NEDD4: variants seen among roughly 807,000 people sequenced by gnomAD.
NEDD4 encodes the protein E3 ubiquitin-protein ligase NEDD4.
NEDD4 carries 99 observed loss-of-function variants against 144.9 expected under a neutral mutation model. The ratio of observed to expected loss-of-function variants is 0.68; its 90% CI spans 0.58 to 0.81. NEDD4 has a LOEUF of 0.81. Ranked by LOEUF, NEDD4 falls within the 30% of genes least tolerant of loss-of-function variation. The pLI, the probability that NEDD4 is intolerant of heterozygous loss-of-function variation, is 0.00. For missense variants in NEDD4, 985 were observed against 1,065.9 expected (o/e 0.92, Z 1.06); for synonymous variants, 318 against 350.6 (o/e 0.91, Z 1.04).
rs564386261 is a variant in NEDD4 at position 55,877,389 on chromosome 15, G to A, written c.292-3381C>T. 2.0e-5 allele frequency among the ~76,000 whole-genome samples: 3 copies of A among 152,218 alleles called. No individual in the cohort carries two copies. In the South Asian group the frequency reaches 6.2e-4, roughly 32 times the overall value. ...AATTTAGATTATGCATTTTTTGCAA[G>A]AATACCATAAAGGTGATGCTTGTGC... On this transcript the variant is annotated intron_variant, in intron 5 of 28. Coordinates refer to ENST00000435532, the MANE Select transcript of NEDD4 (RefSeq NM_006154.4).
intron 8 of NEDD4, among the ~76,000 whole-genome samples, chr15:55,868,807 T>A (rs187796285): frequency 6.6e-6 from 1 of 152,232 alleles, no homozygotes; most frequent in African/African-American, 2.4e-5. Context: ...CGAGCAGGTG[T>A]TTTTTTGACC....
At chr15:55,906,124 A>G (rs1157633627) in intron 5 of NEDD4, among the ~76,000 whole-genome samples, 2 of 152,162 alleles carry the variant, frequency 1.3e-5, no homozygotes, top group Admixed American at 6.5e-5. Flanking sequence ...TTAAAAAGTC[A>G]GGAAACAACA....
intron 5 of NEDD4, among the ~76,000 whole-genome samples, chr15:55,875,658 A>T (rs1489879630): frequency 6.6e-6 from 1 of 152,134 alleles, no homozygotes; most frequent in East Asian, 1.9e-4. Context: ...TACATGAAAT[A>T]AAAAAATTCA....
At chr15:55,845,337 CTTAATAACCA>C (rs1407291133) in intron 18 of NEDD4, among the ~76,000 whole-genome samples, 1 of 152,134 alleles carries the variant, frequency 6.6e-6, no homozygotes, top group Non-Finnish European at 1.5e-5. Flanking sequence ...AGCTTTTCTA[CTTAATAACCA>C]TGGGACTTGA....
At position 55,959,435 on chromosome 15, in the gene NEDD4, T is replaced by G. The variant is rs62045213; in HGVS notation, c.119+7038A>C. On this transcript the variant is annotated intron_variant, in intron 2 of 28. Transcript: ENST00000435532. ...GGACCCACACATGGTCTATCTTGAT[T>G]AACGTACCATGTGCATTTCAAAAGA... Among the ~76,000 whole-genome samples the G allele has an allele frequency of 3.9e-5, 6 of 152,252 alleles. No homozygotes were observed. In the South Asian group the frequency reaches 1.2e-3, roughly 32 times the overall value.
chr15:55,947,832 C>A (rs2037151010), intron 4 of NEDD4, among the ~76,000 whole-genome samples: 1 of 152,142 alleles, frequency 6.6e-6, no homozygotes, highest in Admixed American at 6.5e-5. Flanking sequence ...ATGACAAACA[C>A]ATAGCCAATA....
At chr15:55,900,830 A>G (rs2035893238) in intron 5 of NEDD4, among the ~76,000 whole-genome samples, 1 of 152,192 alleles carries the variant, frequency 6.6e-6, no homozygotes, top group African/African-American at 2.4e-5. Context: ...GCACACTAGG[A>G]TATATTTCCC....
chr15:55,938,682 T>C (rs2036938328), intron 4 of NEDD4, among the ~76,000 whole-genome samples: 1 of 151,902 alleles, frequency 6.6e-6, no homozygotes, highest in Non-Finnish European at 1.5e-5. Flanking sequence ...CCGTACAAAA[T>C]GGGAAAAATA....
intron 5 of NEDD4, among the ~76,000 whole-genome samples, chr15:55,898,702 C>T (rs1452868559): frequency 3.5e-5 from 5 of 143,302 alleles, no homozygotes; most frequent in Admixed American, 2.2e-4. Flanking sequence ...GTGGCACAAT[C>T]GTAGCTCAAT....
chr15:55,970,577 G>C (rs1253666416), intron 1 of NEDD4, among the ~76,000 whole-genome samples: 4 of 152,210 alleles, frequency 2.6e-5, no homozygotes, highest in Admixed American at 2.6e-4. Flanking sequence ...GAGAGACAGA[G>C]AGAGGGAGAG....
intron 12 of NEDD4, among the ~76,000 whole-genome samples, chr15:55,854,726 C>G (rs1313032516): frequency 2.6e-5 from 4 of 151,730 alleles, no homozygotes; most frequent in African/African-American, 9.7e-5. Context: ...ATTGTATGAT[C>G]AAACATGGGT....
intron 4 of NEDD4, among the ~76,000 whole-genome samples, chr15:55,936,844 G>A (rs1205228926): frequency 6.6e-6 from 1 of 151,122 alleles, no homozygotes; most frequent in Non-Finnish European, 1.5e-5. Context: ...CCAGGCTGGA[G>A]CACAATGGTG....
At chr15:55,923,645 CAAA>C (rs767874914) in intron 5 of NEDD4, among the ~76,000 whole-genome samples, 1 of 123,318 alleles carries the variant, frequency 8.1e-6, no homozygotes, top group Non-Finnish European at 1.7e-5. Context: ...GACTCCATCT[CAAA>C]AAAAAAAAAA....
chr15:55,915,335 TA>T, intron 5 of NEDD4: 5 of 1,610,286 alleles, frequency 3.1e-6, no homozygotes, highest in Non-Finnish European at 4.2e-6. Context: ...TGTCTCTTGA[TA>T]AATTATCCAC....
intron 24 of NEDD4, among the ~76,000 whole-genome samples, chr15:55,835,420 G>GTTTT (rs56792157): frequency 1.0e-4 from 11 of 108,340 alleles, no homozygotes; most frequent in African/African-American, 2.8e-4. Context: ...CTCCTGTTCT[G>GTTTT]TTTTTTTTTT....
At chr15:55,968,806 G>C (rs1324834261) in intron 1 of NEDD4, among the ~76,000 whole-genome samples, 1 of 152,108 alleles carries the variant, frequency 6.6e-6, no homozygotes, top group Non-Finnish European at 1.5e-5. Flanking sequence ...ATGTACACAA[G>C]GACTTAAGTA....
chr15:55,959,221 C>T (rs1225260785), intron 2 of NEDD4, among the ~76,000 whole-genome samples: 1 of 152,068 alleles, frequency 6.6e-6, no homozygotes, highest in East Asian at 1.9e-4. Context: ...GCTGTATTTT[C>T]ATTTTCATTC....
intron 1 of NEDD4, among the ~76,000 whole-genome samples, chr15:55,979,611 C>T (rs2037766485): frequency 6.6e-6 from 1 of 151,700 alleles, no homozygotes; most frequent in Non-Finnish European, 1.5e-5. Context: ...CCTCGGCCTC[C>T]CAAAGTGCTG....
intron 5 of NEDD4, among the ~76,000 whole-genome samples, chr15:55,919,284 T>C (rs771500186): frequency 2.0e-5 from 3 of 152,196 alleles, no homozygotes; most frequent in Non-Finnish European, 4.4e-5. Context: ...ATGCTTTCTT[T>C]CAGGATTTTT....
Sources: gnomAD v4.1 joint callset for allele counts (sites outside exome capture counted in the v4.1 genomes callset) on GRCh38, gnomAD v4.1.1 for gene constraint, MANE v1.5 for transcripts, NCBI Gene and HGNC (gene_info 2026-07-23, HGNC 2026-07-21) for gene names.